Variants in SYN3 observed in about 807,000 individuals in gnomAD.
The protein encoded by SYN3 is synapsin-3.
In SYN3, 35 loss-of-function variants were observed where a neutral mutation model predicts 65.8. The ratio of observed to expected loss-of-function variants is 0.53; its 90% confidence interval spans 0.41 to 0.70. SYN3 has a LOEUF of 0.70. Among genes scored for constraint, SYN3 ranks in the 30% least tolerant of loss-of-function variants. SYN3 has a pLI of 0.00. For synonymous variants in SYN3, 270 were observed against 292.9 expected (o/e 0.92, Z 0.80); for missense variants, 680 against 749.0 (o/e 0.91, Z 1.08).
chr22:32,731,018 G>T (rs568080076), intron 6 of SYN3, among the ~76,000 whole-genome samples: 10 of 152,274 alleles, frequency 6.6e-5, no homozygotes, highest in African/African-American at 2.4e-4. Flanking sequence ...GAGTCCCTGT[G>T]CTTTTCTCTC....
At chr22:32,594,843 A>G (rs1331833053) in intron 7 of SYN3, among the ~76,000 whole-genome samples, 1 of 152,202 alleles carries the variant, frequency 6.6e-6, no homozygotes, top group Non-Finnish European at 1.5e-5. Context: ...TACAGAAGGT[A>G]TAACAGGGTA....
At chr22:32,641,330 C>A (rs1354148387) in intron 6 of SYN3, among the ~76,000 whole-genome samples, 1 of 151,996 alleles carries the variant, frequency 6.6e-6, no homozygotes, top group Non-Finnish European at 1.5e-5. Context: ...GTTCTGGGGC[C>A]GGGCGCGGTG....
rs1181933986 is a variant in SYN3 at position 32,512,605 on chromosome 22, C to T, written c.*1087G>A. On this transcript the variant is annotated 3_prime_UTR_variant, in exon 14 of 14. Transcript: ENST00000358763. The stretch of plus-strand genomic sequence containing the variant: ...CTGCAGGAATTCCGAAAGCCTTTGA[C>T]ATATATTATATACAATGCGTCTCCA... The T allele has an allele frequency of 1.3e-5, 2 of 152,336 alleles. No individual in the cohort carries two copies. Among genetic ancestry groups the T allele is most frequent in the African/African-American group, 4.8e-5 (2 of 41,576 alleles). The allele number at this position is 152,336 out of a possible 1,614,324, so 9.4% of individuals were successfully genotyped here. A position where few individuals can be genotyped will look rare whatever the true frequency, so the allele number is the denominator to read the frequency against.
chr22:32,955,548 A>G (rs1020851374), intron 3 of SYN3, among the ~76,000 whole-genome samples: 2 of 152,164 alleles, frequency 1.3e-5, no homozygotes, highest in Admixed American at 1.3e-4. Flanking sequence ...ACAACATAAA[A>G]TTTATCATTT....
At chr22:32,982,664 A>G (rs2052405132) in intron 2 of SYN3, among the ~76,000 whole-genome samples, 1 of 152,200 alleles carries the variant, frequency 6.6e-6, no homozygotes, top group South Asian at 2.1e-4. Flanking sequence ...GGTCAGAAAT[A>G]ACCTATTGTA....
intron 1 of SYN3, among the ~76,000 whole-genome samples, chr22:33,012,294 T>A (rs1350234671): frequency 6.6e-6 from 1 of 152,236 alleles, no homozygotes; most frequent in Non-Finnish European, 1.5e-5. Context: ...TGCATTTAAT[T>A]TTCAAATTTC....
chr22:32,642,867 C>A (rs2059923085), intron 6 of SYN3, among the ~76,000 whole-genome samples: 1 of 151,988 alleles, frequency 6.6e-6, no homozygotes, highest in Non-Finnish European at 1.5e-5. Flanking sequence ...CTATCCCAAA[C>A]TTTTTGATCA....
At chr22:32,610,365 T>C (rs1601752446) in intron 6 of SYN3, among the ~76,000 whole-genome samples, 1 of 152,170 alleles carries the variant, frequency 6.6e-6, no homozygotes, top group East Asian at 1.9e-4. Flanking sequence ...CTACCTATGT[T>C]TAGAACGTTT....
chr22:32,840,933 T>A (rs2146195712), intron 6 of SYN3, among the ~76,000 whole-genome samples: 1 of 152,346 alleles, frequency 6.6e-6, no homozygotes, highest in South Asian at 2.1e-4. Flanking sequence ...CCTGTATACG[T>A]CTTCACAATA....
chr22:32,596,522 G>A (rs1274106111), intron 7 of SYN3, 152 bp downstream of exon 7: 6 of 705,244 alleles, frequency 8.5e-6, no homozygotes, highest in Non-Finnish European at 1.2e-5. Context: ...AGGTGGGCTG[G>A]GAGGGGAAGG....
At chr22:32,525,708 CAA>C (rs61433898) in intron 12 of SYN3, among the ~76,000 whole-genome samples, 16,208 of 80,128 alleles carry the variant, frequency 0.2, 889 homozygotes, top group African/African-American at 0.29. Context: ...GACTCCGTCT[CAA>C]AAAAAAAAAA....
intron 5 of SYN3, among the ~76,000 whole-genome samples, chr22:32,868,023 C>T (rs2048735096): frequency 1.3e-5 from 2 of 152,146 alleles, no homozygotes; most frequent in Admixed American, 1.3e-4. Flanking sequence ...TAAATTGTGG[C>T]CTCACCACTC....
chr22:32,705,176 T>C (rs2060864179), intron 6 of SYN3, among the ~76,000 whole-genome samples: 1 of 152,242 alleles, frequency 6.6e-6, no homozygotes. Flanking sequence ...CCAGGATTTT[T>C]ATAGTTTTGG....
chr22:32,619,909 A>G (rs531439847), intron 6 of SYN3, among the ~76,000 whole-genome samples: 1 of 152,356 alleles, frequency 6.6e-6, no homozygotes, highest in African/African-American at 2.4e-5. Flanking sequence ...GTGCCTACTC[A>G]TCTCAGATGA....
intron 6 of SYN3, among the ~76,000 whole-genome samples, chr22:32,633,444 C>G (rs1175281753): frequency 6.6e-6 from 1 of 152,000 alleles, no homozygotes; most frequent in Non-Finnish European, 1.5e-5. Flanking sequence ...CCAAATTTCT[C>G]TGTGGAATAA....
intron 6 of SYN3, among the ~76,000 whole-genome samples, chr22:32,847,395 G>A (rs1262237269): frequency 1.3e-5 from 2 of 152,128 alleles, no homozygotes; most frequent in African/African-American, 2.4e-5. Flanking sequence ...ACAACCACTC[G>A]CCTCCTCCTA....
intron 5 of SYN3, among the ~76,000 whole-genome samples, chr22:32,867,832 CG>C (rs2048727711): frequency 6.6e-6 from 1 of 152,174 alleles, no homozygotes; most frequent in Non-Finnish European, 1.5e-5. Flanking sequence ...ACACCCGCCT[CG>C]GCCTCCCAAA....
chr22:32,522,864 G>T (rs759456674), intron 12 of SYN3, among the ~76,000 whole-genome samples: 6 of 152,002 alleles, frequency 3.9e-5, no homozygotes, highest in Non-Finnish European at 8.8e-5. Flanking sequence ...CACTGCAAAG[G>T]CAGTGAGATA....
chr22:32,825,928 T>C (rs1320648998), intron 6 of SYN3, among the ~76,000 whole-genome samples: 3 of 152,166 alleles, frequency 2.0e-5, no homozygotes, highest in East Asian at 1.9e-4. Flanking sequence ...CAAGCACATT[T>C]TGGATGATTC....
Sources: gnomAD v4.1 joint callset for allele counts (sites outside exome capture counted in the v4.1 genomes callset) on GRCh38, gnomAD v4.1.1 for gene constraint, MANE v1.5 for transcripts, NCBI Gene and HGNC (gene_info 2026-07-23, HGNC 2026-07-21) for gene names.